The following AP4E1 variants were observed in gnomAD, a reference collection of about 807,000 sequenced individuals.
AP4E1 encodes the protein adaptor related protein complex 4 subunit epsilon 1, also known as AP-4 complex subunit epsilon-1.
Under a neutral mutation model 128.2 loss-of-function variants are expected in AP4E1, and 56 were observed. That is an observed-to-expected ratio of 0.44 (90% CI 0.35 to 0.55). The LOEUF (loss-of-function observed/expected upper bound fraction) is 0.55. AP4E1 is among the 20% of genes least tolerant of loss of function. The probability of loss-of-function intolerance (pLI) is 0.00; values close to 1 mark genes in which losing one functional copy is unlikely to be tolerated. For missense variants in AP4E1, 1,324 were observed against 1,307.7 expected (o/e 1.01, Z -0.19); for synonymous variants, 484 against 473.1 (o/e 1.02, Z -0.30).
rs777949087 is a variant in AP4E1, at chr15:50,997,400, A to T, written c.2421A>T (p.Thr807=). 1 of 1,611,472 alleles carries T rather than the reference A, an allele frequency of 6.2e-7. No individual in the cohort carries two copies. The change falls in exon 18 of 21, where the codon ACA becomes ACT. Residue 807 remains threonine (T), a synonymous_variant. Coordinates refer to ENST00000261842, the MANE Select transcript of AP4E1 (RefSeq NM_007347.5). ...TCAAAGAAGCTAAAAGTGGCGAAACAACCAGTACTCATAATATGACCTGTT... is the reference window on the plus strand; with the variant it reads ...TCAAAGAAGCTAAAAGTGGCGAAACTACCAGTACTCATAATATGACCTGTT... ...SKVKEAKSGE[T]TSTHNMTCSS... is the part of the protein sequence containing the mutation.
intron 16 of AP4E1, among the ~76,000 whole-genome samples, chr15:50,990,804 T>C (rs1185240196): frequency 2.0e-5 from 3 of 152,110 alleles, no homozygotes; most frequent in Non-Finnish European, 4.4e-5. Flanking sequence ...AGTTTGAGGC[T>C]CCTTTTAGGC....
chr15:50,936,836 A>C (rs2063914247), intron 8 of AP4E1, among the ~76,000 whole-genome samples: 1 of 152,114 alleles, frequency 6.6e-6, no homozygotes, highest in African/African-American at 2.4e-5. Context: ...CGGGAGGCTG[A>C]TGCAGGAGAA....
intron 15 of AP4E1, among the ~76,000 whole-genome samples, chr15:50,983,295 G>C (rs995431439): frequency 3.9e-5 from 6 of 152,222 alleles, no homozygotes; most frequent in African/African-American, 1.4e-4. Flanking sequence ...GAGAAAGGGG[G>C]AGAAGAAAGA....
intron 6 of AP4E1, 45 bp downstream of exon 6, chr15:50,929,213 A>T (rs377503839): frequency 1.3e-6 from 2 of 1,573,080 alleles, no homozygotes; most frequent in African/African-American, 2.7e-5. Flanking sequence ...ACCATTAGAA[A>T]AATACAATTA....
rs762669705 is a variant in AP4E1 at position 50,912,060 on chromosome 15, A to G, written c.151-18A>G. 4 of 1,604,474 alleles carry G rather than the reference A, an allele frequency of 2.5e-6. No individual in the cohort carries two copies. Among genetic ancestry groups the G allele is most frequent in the Non-Finnish European group, 3.4e-6 (4 of 1,171,234 alleles). ...AAAAGACAGTTAATCAAGCATTTAA[A>G]TATTTTCACTTTCTCAGGAAGAAGA... On this transcript the variant is annotated intron_variant, in intron 1 of 20. Transcript: ENST00000261842.
In AP4E1 at chr15:50,968,366, C is replaced by T. The variant is rs1392748770; in HGVS notation, c.1955C>T (p.Ser652Phe). The T allele has an allele frequency of 6.2e-7, 1 of 1,612,124 alleles. No homozygotes were observed. The change falls in exon 15 of 21, where the codon TCT becomes TTT. Residue 652 changes from serine to phenylalanine, a missense_variant. Physicochemically the swap from Ser to Phe is radical, Grantham distance 155. Transcript: ENST00000261842. ...PPHQRQEEKL[S>F]QEKVLNFEPY... ...CATCAACGCCAGGAGGAAAAGCTTT[C>T]TCAGGAAAAAGGTAATTTTTCATGG... is the stretch of plus-strand genomic sequence containing the variant.
chr15:51,001,147 C>A lies in AP4E1; in HGVS notation c.3217C>A (p.Gln1073Lys), dbSNP rs117612527. 504 of 1,613,528 alleles carry A rather than the reference C, an allele frequency of 3.1e-4. 3 individuals carry two copies. In the East Asian group the frequency reaches 0.01, roughly 33 times the overall value. The change falls in exon 20 of 21, where the codon CAA becomes AAA. Residue 1073 changes from glutamine (Q) to lysine (K), a missense_variant. By Grantham distance (53) the Gln-to-Lys change is moderately conservative. Transcript: ENST00000261842. Reference protein sequence around the residue: ...AALPSALKTLQQKLRLHIIEI... With the variant: ...AALPSALKTLKQKLRLHIIEI... Reference sequence around the variant, plus strand: ...ACTTCCTTCTGCACTAAAGACTCTGCAACAGAAACTAAGACTCCATATTAT... The same window carrying A: ...ACTTCCTTCTGCACTAAAGACTCTGAAACAGAAACTAAGACTCCATATTAT...
At chr15:50,956,838 A>G (rs571577945) in intron 13 of AP4E1, among the ~76,000 whole-genome samples, 1 of 152,348 alleles carries the variant, frequency 6.6e-6, no homozygotes, top group African/African-American at 2.4e-5. Context: ...TGATTCTGAA[A>G]CAGGAAATTC....
chr15:50,966,457 G>A lies in AP4E1; in HGVS notation c.1852-1806G>A, dbSNP rs139106474. ...TATGCTACACACAGTATTATATTAGGGAGTAACTACACTTCCGTTTTCCTC... is the reference window on the plus strand; with the variant it reads ...TATGCTACACACAGTATTATATTAGAGAGTAACTACACTTCCGTTTTCCTC... On this transcript the variant is annotated intron_variant, in intron 14 of 20. Coordinates refer to ENST00000261842, the MANE Select transcript of AP4E1 (RefSeq NM_007347.5). Among the ~76,000 whole-genome samples, 12 of 151,886 alleles carry A rather than the reference G, an allele frequency of 7.9e-5. No individual in the cohort carries two copies. In the East Asian group the frequency reaches 2.3e-3, roughly 29 times the overall value.
At chr15:50,959,689 C>T (rs1367861688) in intron 14 of AP4E1, among the ~76,000 whole-genome samples, 2 of 152,100 alleles carry the variant, frequency 1.3e-5, no homozygotes. Flanking sequence ...TCATCACACA[C>T]ACAAAATCCA....
chr15:50,945,497 T>C (rs1301559179), intron 10 of AP4E1: 2 of 757,874 alleles, frequency 2.6e-6, no homozygotes, highest in East Asian at 2.4e-5. Flanking sequence ...ATGTTCCATA[T>C]GGATCATGTA....
intron 5 of AP4E1, 136 bp downstream of exon 5, chr15:50,925,355 A>G (rs954102499): frequency 5.4e-6 from 5 of 925,924 alleles, no homozygotes; most frequent in East Asian, 2.8e-5. Context: ...AAAATCTTCA[A>G]TAGGATCATC....
In AP4E1 at chr15:50,915,460, G is replaced by A. The variant is rs777384082; in HGVS notation, c.235G>A (p.Glu79Lys). ...TTTTGCTTTTCAGAAAATGATGAAG[G>A]AATGTATGGTGAGACTTATATATTG... ...APTTTLKMMK[E>K]CMVRLIYCEM... The change falls in exon 3 of 21, where the codon GAA becomes AAA. Residue 79 changes from glutamate to lysine, a missense_variant. Physicochemically the swap from Glu to Lys is moderately conservative, Grantham distance 56. Coordinates refer to ENST00000261842, the MANE Select transcript of AP4E1 (RefSeq NM_007347.5). The A allele has an allele frequency of 6.2e-7, 1 of 1,613,022 alleles. No homozygotes were observed. The highest frequency in any genetic ancestry group is 8.5e-7 in the Non-Finnish European group (1 of 1,179,290).
intron 8 of AP4E1, among the ~76,000 whole-genome samples, chr15:50,936,857 C>T (rs996164082): frequency 2.0e-5 from 3 of 151,910 alleles, no homozygotes; most frequent in African/African-American, 7.3e-5. Context: ...TTGCTTGAAC[C>T]GGGACCTGGG....
intron 2 of AP4E1, 46 bp from the exon 3 acceptor site, chr15:50,915,402 A>G: frequency 6.3e-7 from 1 of 1,582,834 alleles, no homozygotes; most frequent in Non-Finnish European, 8.7e-7. Flanking sequence ...AAAACAATCT[A>G]AATATTCTGT....
chr15:50,915,604 A>G, intron 3 of AP4E1, 33 bp downstream of exon 3: 1 of 1,611,588 alleles, frequency 6.2e-7, no homozygotes, highest in Non-Finnish European at 8.5e-7. Flanking sequence ...TGATGCTTTC[A>G]TGTTGTCCTT....
intron 6 of AP4E1, 59 bp downstream of exon 6, chr15:50,929,227 A>G: frequency 6.5e-7 from 1 of 1,539,072 alleles, no homozygotes; most frequent in Non-Finnish European, 8.9e-7. Flanking sequence ...ACAATTATGG[A>G]ATTAAAAAGA....
At chr15:50,929,692 A>G (rs1375550455) in intron 6 of AP4E1, among the ~76,000 whole-genome samples, 2 of 152,220 alleles carry the variant, frequency 1.3e-5, no homozygotes, top group African/African-American at 4.8e-5. Context: ...TCAAATATAC[A>G]TATTTGTAAC....
intron 8 of AP4E1, among the ~76,000 whole-genome samples, chr15:50,937,899 G>A (rs989812566): frequency 3.3e-5 from 5 of 152,168 alleles, no homozygotes; most frequent in African/African-American, 9.7e-5. Context: ...TTGTAAATCC[G>A]GAGGTATGGA....
Sources: allele counts gnomAD v4.1 joint callset (sites outside exome capture counted in the v4.1 genomes callset), GRCh38; gene constraint gnomAD v4.1.1; transcripts MANE v1.5; gene names NCBI Gene and HGNC (gene_info 2026-07-23, HGNC 2026-07-21).